STYK1: variants seen among roughly 807,000 people sequenced by gnomAD.
STYK1 encodes tyrosine-protein kinase STYK1.
In STYK1, 46 loss-of-function variants were observed where a neutral mutation model predicts 48.1. The ratio of observed to expected loss-of-function variants is 0.96; its 90% CI spans 0.75 to 1.22. The LOEUF (loss-of-function observed/expected upper bound fraction) is 1.22. Ranked by LOEUF, STYK1 falls within the 50% of genes most tolerant of loss-of-function variation. The pLI is 0.00. For missense variants in STYK1, 527 were observed against 521.1 expected, an observed-to-expected ratio of 1.01 and a Z score of -0.11; for synonymous variants, 188 against 189.0, an observed-to-expected ratio of 0.99 and a Z score of 0.04.
chr12:10,632,011 A>C (rs1947434448), intron 4 of STYK1, among the ~76,000 whole-genome samples: 1 of 152,176 alleles, frequency 6.6e-6, no homozygotes, highest in Admixed American at 6.5e-5. Context: ...GGGGAGAGGA[A>C]GCAGGTAATA....
rs1165314304 is a variant in STYK1 at position 10,653,077 on chromosome 12, C to CT, written c.-194-15882dup. ...AAGTCAATTAACATATCTTTTCTTT[C>CT]TTTTTTTTTTTGTGAGACGGAGTCT... On this transcript the variant is annotated intron_variant, in intron 1 of 10. Coordinates refer to ENST00000075503, the MANE Select transcript of STYK1 (RefSeq NM_018423.3). Among the ~76,000 whole-genome samples, 81 of 146,618 alleles carry CT rather than the reference C, an allele frequency of 5.5e-4. 1 individual carries two copies. The highest frequency in any genetic ancestry group is 2.2e-3 in the South Asian group (10 of 4,640).
chr12:10,643,883 C>T (rs924466500), intron 1 of STYK1, among the ~76,000 whole-genome samples: 1 of 152,114 alleles, frequency 6.6e-6, no homozygotes, highest in Non-Finnish European at 1.5e-5. Context: ...TCATAATGAG[C>T]CTTTAGGCCA....
At chr12:10,625,025 C>A (rs1221751531) in intron 7 of STYK1, among the ~76,000 whole-genome samples, 166 bp from the exon 8 acceptor site, 3 of 152,206 alleles carry the variant, frequency 2.0e-5, no homozygotes, top group Non-Finnish European at 4.4e-5. Context: ...ATGAACTGCA[C>A]ATTTCTGCAT....
In STYK1 at chr12:10,658,194, A is replaced by T. The variant is rs759066998; in HGVS notation, c.-195+15772T>A. Among the ~76,000 whole-genome samples the T allele has an allele frequency of 5.9e-4, 90 of 152,324 alleles. 1 individual carries two copies. The highest frequency in any genetic ancestry group is 9.6e-4 in the Non-Finnish European group (65 of 68,018). ...AGCAGTGATCTGCTCCTTAACAAAAATTTGTAAAGAGTTTAAAAAGGTTTA... is the reference window on the plus strand; with the variant it reads ...AGCAGTGATCTGCTCCTTAACAAAATTTTGTAAAGAGTTTAAAAAGGTTTA... On this transcript the variant is annotated intron_variant, in intron 1 of 10. Coordinates refer to ENST00000075503, the MANE Select transcript of STYK1 (RefSeq NM_018423.3).
chr12:10,633,588 T>C (rs1947452303), intron 4 of STYK1, among the ~76,000 whole-genome samples: 1 of 152,174 alleles, frequency 6.6e-6, no homozygotes, highest in South Asian at 2.1e-4. Context: ...CTTTCCATCA[T>C]ATATCCTGGA....
intron 10 of STYK1, among the ~76,000 whole-genome samples, 158 bp downstream of exon 10, chr12:10,621,718 G>T (rs1865909083): frequency 6.6e-6 from 1 of 152,030 alleles, no homozygotes; most frequent in African/African-American, 2.4e-5. Context: ...TATAATATAT[G>T]AGATAGGTAT....
intron 1 of STYK1, among the ~76,000 whole-genome samples, chr12:10,671,241 A>C (rs1329794709): frequency 6.6e-6 from 1 of 151,840 alleles, no homozygotes; most frequent in Non-Finnish European, 1.5e-5. Context: ...TGATCCGCCC[A>C]CCTCAGCCTC....
At chr12:10,649,076 T>C (rs1036213173) in intron 1 of STYK1, among the ~76,000 whole-genome samples, 1 of 152,178 alleles carries the variant, frequency 6.6e-6, no homozygotes, top group Non-Finnish European at 1.5e-5. Flanking sequence ...AAATGGAAGA[T>C]GTTTCTGAAC....
intron 9 of STYK1, among the ~76,000 whole-genome samples, chr12:10,622,175 C>A (rs1420732298): frequency 6.6e-6 from 1 of 151,938 alleles, no homozygotes; most frequent in Non-Finnish European, 1.5e-5. Flanking sequence ...AGAAAAAAAC[C>A]TGATAAGTTA....
intron 1 of STYK1, among the ~76,000 whole-genome samples, chr12:10,663,507 G>T (rs1947799771): frequency 6.7e-6 from 1 of 148,976 alleles, no homozygotes; most frequent in African/African-American, 2.5e-5. Flanking sequence ...GCTGAGGAAG[G>T]AGAATGGCGT....
chr12:10,673,893 T>A (rs2120846878), intron 1 of STYK1, 73 bp downstream of exon 1: 1 of 152,852 alleles, frequency 6.5e-6, no homozygotes, highest in African/African-American at 2.4e-5. Flanking sequence ...CTCCCCCAGC[T>A]GCCTCGCTGC....
intron 1 of STYK1, chr12:10,640,575 T>C (rs1294648857): frequency 6.6e-6 from 1 of 152,136 alleles, no homozygotes; most frequent in Non-Finnish European, 1.5e-5. Context: ...AGAGAAAGTG[T>C]TTCAAATGGG....
chr12:10,669,962 C>T (rs11053897), intron 1 of STYK1, among the ~76,000 whole-genome samples: 8,910 of 152,010 alleles, frequency 0.059, 847 homozygotes, highest in African/African-American at 0.2. Context: ...TAGCTATTAT[C>T]GAAAAGATGA....
intron 1 of STYK1, among the ~76,000 whole-genome samples, chr12:10,640,201 T>C (rs557339185): frequency 6.6e-6 from 1 of 152,254 alleles, no homozygotes; most frequent in South Asian, 2.1e-4. Context: ...ACTGTGAGCA[T>C]GAGGGTCAGA....
chr12:10,628,787 G>C (rs1398715693), intron 6 of STYK1, among the ~76,000 whole-genome samples: 1 of 152,158 alleles, frequency 6.6e-6, no homozygotes, highest in Non-Finnish European at 1.5e-5. Flanking sequence ...GTGAGTTTGA[G>C]CTACAAAAGC....
chr12:10,634,139 A>C lies in STYK1; in HGVS notation c.53-15T>G. ...CTCCTGGATGACTGGGTAGGCGATC[A>C]CACAGGAAGAGAAGAGAATGAAGAA... is the stretch of plus-strand genomic sequence containing the variant. On this transcript the variant is annotated splice_polypyrimidine_tract_variant and intron_variant, in intron 3 of 10. Transcript: ENST00000075503. The C allele has an allele frequency of 6.4e-7, 1 of 1,550,868 alleles. No homozygotes were observed. Among genetic ancestry groups the C allele is most frequent in the Non-Finnish European group, 8.7e-7 (1 of 1,154,238 alleles).
At position 10,619,803 on chromosome 12, in the gene STYK1, TC is replaced by T. The variant is rs1390818772; in HGVS notation, c.*340del. 4 of 407,540 alleles carry T rather than the reference TC, an allele frequency of 9.8e-6. No individual in the cohort carries two copies. The Admixed American group carries it at 1.7e-4, about 17-fold the overall frequency. The allele number at this position is 407,540 out of a possible 1,614,324, so 25.2% of individuals were successfully genotyped here. On this transcript the variant is annotated 3_prime_UTR_variant, in exon 11 of 11. Coordinates refer to ENST00000075503, the MANE Select transcript of STYK1 (RefSeq NM_018423.3). ...ATTTTCATCTAGATAAAAATGTGGT[TC>T]CAGAGGAAACTAGCCTCGGACGGGA...
intron 6 of STYK1, among the ~76,000 whole-genome samples, chr12:10,628,179 G>A (rs546967019): frequency 6.4e-4 from 98 of 152,318 alleles, no homozygotes; most frequent in Non-Finnish European, 1.2e-3. Flanking sequence ...AGCTTATTGG[G>A]TGACAGGCAC....
In STYK1 at chr12:10,631,323, T is replaced by C; in HGVS notation, c.188-15A>G. 3 of 1,606,906 alleles carry C rather than the reference T, an allele frequency of 1.9e-6. No homozygotes were observed. The highest frequency in any genetic ancestry group is 2.6e-6 in the Non-Finnish European group (3 of 1,173,956). On this transcript the variant is annotated splice_polypyrimidine_tract_variant and intron_variant, in intron 4 of 10. Coordinates refer to ENST00000075503, the MANE Select transcript of STYK1 (RefSeq NM_018423.3). The stretch of plus-strand genomic sequence containing the variant: ...AGGGGCAATGCCTAGAACAGAGAGA[T>C]GATGTCAACCAGTTTTTCCCCGCCC...
Sources: allele counts gnomAD v4.1 joint callset (sites outside exome capture counted in the v4.1 genomes callset), GRCh38; gene constraint gnomAD v4.1.1; transcripts MANE v1.5; gene names NCBI Gene and HGNC (gene_info 2026-07-23, HGNC 2026-07-21).